Variants in HS3ST4 observed in about 807,000 individuals in gnomAD.
The protein encoded by HS3ST4 is heparan sulfate-glucosamine 3-sulfotransferase 4.
HS3ST4 carries 17 observed loss-of-function variants against 29.2 expected under a neutral mutation model. The ratio of observed to expected loss-of-function variants is 0.58; its 90% CI spans 0.40 to 0.87. The LOEUF is 0.87. Ranked by LOEUF, HS3ST4 falls within the 40% of genes least tolerant of loss-of-function variation. The probability of loss-of-function intolerance (pLI) is 0.00; values close to 1 mark genes in which losing one functional copy is unlikely to be tolerated. For missense variants in HS3ST4, 627 were observed against 634.5 expected (o/e 0.99, Z 0.13); for synonymous variants, 314 against 285.7 (o/e 1.10, Z -1.00).
At chr16:25,765,819 C>G (rs980064995) in intron 1 of HS3ST4, among the ~76,000 whole-genome samples, 15 of 152,058 alleles carry the variant, frequency 9.9e-5, no homozygotes, top group Non-Finnish European at 1.5e-4. Flanking sequence ...AAGCAGTGGG[C>G]CAAGTCAGAC....
At chr16:26,112,730 A>G (rs1203728880) in intron 1 of HS3ST4, among the ~76,000 whole-genome samples, 1 of 152,164 alleles carries the variant, frequency 6.6e-6, no homozygotes, top group Non-Finnish European at 1.5e-5. Context: ...TGATATAGAT[A>G]TTTCACCCAT....
chr16:25,821,057 ATT>A (rs1259738012), intron 1 of HS3ST4, among the ~76,000 whole-genome samples: 29 of 134,974 alleles, frequency 2.1e-4, no homozygotes, highest in African/African-American at 3.0e-4. Flanking sequence ...GCGCCTTTGA[ATT>A]TTTTTTTTTT....
At chr16:26,078,963 G>A (rs1228448301) in intron 1 of HS3ST4, among the ~76,000 whole-genome samples, 1 of 152,232 alleles carries the variant, frequency 6.6e-6, no homozygotes, top group Non-Finnish European at 1.5e-5. Flanking sequence ...GAAAGCAGCT[G>A]TTGGTACCAA....
chr16:25,938,653 C>T (rs767417600), intron 1 of HS3ST4, among the ~76,000 whole-genome samples: 9 of 151,998 alleles, frequency 5.9e-5, no homozygotes, highest in Non-Finnish European at 1.2e-4. Context: ...ATGTGCTAAA[C>T]TCCTTCCTGC....
chr16:25,732,188 G>A lies in HS3ST4; in HGVS notation c.734+39037G>A, dbSNP rs558068310. Among the ~76,000 whole-genome samples, 8 of 152,252 alleles carry A rather than the reference G, an allele frequency of 5.3e-5. No individual in the cohort carries two copies. The South Asian group carries it at 1.7e-3, about 32-fold the overall frequency. ...ACCAATATTGTCTAGAACACATATT[G>A]TGATTTTTCCCCTTTTCCACTTTCT... On this transcript the variant is annotated intron_variant, in intron 1 of 1. Transcript: ENST00000331351.
At chr16:25,923,511 G>T (rs1382311408) in intron 1 of HS3ST4, among the ~76,000 whole-genome samples, 1 of 152,138 alleles carries the variant, frequency 6.6e-6, no homozygotes, top group African/African-American at 2.4e-5. Context: ...GAGTGAACAG[G>T]TTTCTGTGAC....
rs190153578 is a variant in HS3ST4 at position 25,917,739 on chromosome 16, A to G, written c.735-217873A>G. Among the ~76,000 whole-genome samples the G allele has an allele frequency of 3.3e-5, 5 of 152,344 alleles. No individual in the cohort carries two copies. The East Asian group carries it at 7.7e-4, about 24-fold the overall frequency. On this transcript the variant is annotated intron_variant, in intron 1 of 1. Transcript: ENST00000331351. The stretch of plus-strand genomic sequence containing the variant: ...ACACCTTAGCTTTTACTTCTGCTAT[A>G]CATGTGAAATAGACATTTGAAATTA...
chr16:25,752,586 C>T (rs957825428), intron 1 of HS3ST4, among the ~76,000 whole-genome samples: 2 of 152,218 alleles, frequency 1.3e-5, no homozygotes, highest in African/African-American at 4.8e-5. Context: ...CTCAATCATT[C>T]TTACAGTCAA....
intron 1 of HS3ST4, among the ~76,000 whole-genome samples, chr16:25,925,419 G>T (rs1266872230): frequency 6.6e-6 from 1 of 151,990 alleles, no homozygotes; most frequent in African/African-American, 2.4e-5. Context: ...AAGCTTCCTG[G>T]GCACCTTGAT....
At chr16:25,732,176 A>G (rs1390705373) in intron 1 of HS3ST4, among the ~76,000 whole-genome samples, 1 of 152,226 alleles carries the variant, frequency 6.6e-6, no homozygotes, top group Non-Finnish European at 1.5e-5. Flanking sequence ...AATATTGTCT[A>G]GAACACATAT....
At chr16:26,047,194 C>T (rs1188291012) in intron 1 of HS3ST4, among the ~76,000 whole-genome samples, 1 of 152,176 alleles carries the variant, frequency 6.6e-6, no homozygotes, top group African/African-American at 2.4e-5. Context: ...TAACAGAGTT[C>T]TTGCATGATG....
intron 1 of HS3ST4, among the ~76,000 whole-genome samples, chr16:26,002,864 A>G (rs918019491): frequency 6.6e-6 from 1 of 151,998 alleles, no homozygotes; most frequent in Non-Finnish European, 1.5e-5. Context: ...AGTTTGAGTT[A>G]TTCAATATTT....
chr16:26,099,779 G>A (rs185726747), intron 1 of HS3ST4, among the ~76,000 whole-genome samples: 161 of 152,124 alleles, frequency 1.1e-3, no homozygotes, highest in African/African-American at 3.7e-3. Flanking sequence ...CAATATATAA[G>A]TAAACACACA....
intron 1 of HS3ST4, among the ~76,000 whole-genome samples, chr16:25,962,175 G>T (rs1390775442): frequency 5.9e-5 from 9 of 152,116 alleles, no homozygotes; most frequent in Admixed American, 1.3e-4. Context: ...AGAAAACAAG[G>T]TACGAAGTCA....
intron 1 of HS3ST4, chr16:25,886,827 C>G (rs1262064256): frequency 6.6e-6 from 1 of 152,190 alleles, no homozygotes. Context: ...GGAGCCTGAC[C>G]CTGGAGAACC....
intron 1 of HS3ST4, among the ~76,000 whole-genome samples, chr16:25,930,762 G>T (rs542860586): frequency 6.6e-6 from 1 of 152,178 alleles, no homozygotes; most frequent in African/African-American, 2.4e-5. Flanking sequence ...ATGTCCTACC[G>T]ATGTAGGGAT....
At chr16:26,004,113 A>G (rs529328352) in intron 1 of HS3ST4, among the ~76,000 whole-genome samples, 117 of 152,284 alleles carry the variant, frequency 7.7e-4, no homozygotes, top group African/African-American at 2.8e-3. Flanking sequence ...AAGGAGATAA[A>G]TGCACGTGTT....
intron 1 of HS3ST4, among the ~76,000 whole-genome samples, chr16:25,801,266 G>A (rs532145196): frequency 6.6e-6 from 1 of 152,190 alleles, no homozygotes; most frequent in Admixed American, 6.5e-5. Flanking sequence ...GACCTATGCT[G>A]GTATGCAACA....
intron 1 of HS3ST4, among the ~76,000 whole-genome samples, chr16:25,887,173 G>C (rs1567265052): frequency 6.6e-6 from 1 of 152,156 alleles, no homozygotes; most frequent in Non-Finnish European, 1.5e-5. Flanking sequence ...TCCACTGAAG[G>C]AGTAACAGAA....
Sources: allele counts gnomAD v4.1 joint callset (sites outside exome capture counted in the v4.1 genomes callset), GRCh38; gene constraint gnomAD v4.1.1; transcripts MANE v1.5; gene names NCBI Gene and HGNC (gene_info 2026-07-23, HGNC 2026-07-21).